CHIC1: variants seen among roughly 807,000 people sequenced by gnomAD.
CHIC1 encodes the protein cysteine-rich hydrophobic domain-containing protein 1.
In CHIC1, 7 loss-of-function variants were observed where a neutral mutation model predicts 18.5. The observed-to-expected ratio is 0.38, with a 90% CI of 0.22 to 0.71. The LOEUF is 0.71. Among genes scored for constraint, CHIC1 ranks in the 30% least tolerant of loss-of-function variants. The pLI is 0.49. For missense variants in CHIC1, 159 were observed against 176.9 expected (o/e 0.90, Z 0.57); for synonymous variants, 77 against 73.5 (o/e 1.05, Z -0.25).
At chrX:73,603,435 G>T (rs1488676461) in intron 3 of CHIC1, among the ~76,000 whole-genome samples, 1 of 108,055 alleles carries the variant, frequency 9.3e-6, no homozygotes, top group East Asian at 2.8e-4. Flanking sequence ...ATACAATCGT[G>T]TCGTCTGCAA....
At chrX:73,584,137 G>A (rs2147551406) in intron 2 of CHIC1, among the ~76,000 whole-genome samples, 1 of 110,932 alleles carries the variant, frequency 9.0e-6, no homozygotes, top group African/African-American at 3.3e-5. Flanking sequence ...GTAAGAAAAA[G>A]GCTTGAAAGT....
chrX:73,601,034 G>C (rs1302628860), intron 3 of CHIC1, among the ~76,000 whole-genome samples: 9 of 107,483 alleles, frequency 8.4e-5, no homozygotes, highest in Non-Finnish European at 1.9e-5. Context: ...TATGCACCCA[G>C]TACAGGAGCA....
intron 3 of CHIC1, among the ~76,000 whole-genome samples, chrX:73,641,186 T>C (rs1015944741): frequency 9.0e-6 from 1 of 111,663 alleles, no homozygotes; most frequent in African/African-American, 3.3e-5. Context: ...TCTGTTTTTA[T>C]TGTGCTGTGG....
intron 3 of CHIC1, among the ~76,000 whole-genome samples, chrX:73,619,444 G>A (rs903872743): frequency 5.4e-5 from 6 of 110,373 alleles, no homozygotes; most frequent in Non-Finnish European, 9.5e-5. Context: ...TTGTTTACTG[G>A]TGTTTTATTG....
At chrX:73,577,034 C>T (rs1489708874) in intron 1 of CHIC1, among the ~76,000 whole-genome samples, 3 of 109,947 alleles carry the variant, frequency 2.7e-5, no homozygotes, top group Non-Finnish European at 5.8e-5. Context: ...AATGAAATCC[C>T]ACATAGTACC....
At chrX:73,597,605 A>G (rs1044941830) in intron 3 of CHIC1, among the ~76,000 whole-genome samples, 21 of 104,612 alleles carry the variant, frequency 2.0e-4, no homozygotes, top group African/African-American at 6.5e-4. Flanking sequence ...ATATATATAT[A>G]CACACACACA....
intron 1 of CHIC1, among the ~76,000 whole-genome samples, chrX:73,565,439 T>C (rs1041153335): frequency 2.7e-5 from 3 of 112,042 alleles, no homozygotes; most frequent in Non-Finnish European, 5.6e-5. Context: ...GCCCTTCTGA[T>C]TGGTATAATG....
chrX:73,591,538 A>G (rs1423125097), intron 3 of CHIC1, among the ~76,000 whole-genome samples: 3 of 111,712 alleles, frequency 2.7e-5, no homozygotes, highest in Non-Finnish European at 5.7e-5. Flanking sequence ...CTCTCTTAAT[A>G]GTATATTTTG....
At position 73,597,975 on chromosome X, in the gene CHIC1, A is replaced by G. The variant is rs186332278; in HGVS notation, c.507+13403A>G. Among the ~76,000 whole-genome samples, 716 of 111,748 alleles carry G rather than the reference A, an allele frequency of 6.4e-3. 8 individuals are homozygous for G. The highest frequency in any genetic ancestry group is 0.022 in the African/African-American group (669 of 30,749). ...TCATTCTTTTTTATGGCTGCATAGT[A>G]TTCCATGGTGTACATGTGCCACATT... On this transcript the variant is annotated intron_variant, in intron 3 of 5. Coordinates refer to ENST00000373502, the MANE Select transcript of CHIC1 (RefSeq NM_001039840.4).
intron 3 of CHIC1, among the ~76,000 whole-genome samples, chrX:73,675,170 G>A (rs189054309): frequency 1.8e-5 from 2 of 111,517 alleles, no homozygotes; most frequent in East Asian, 2.8e-4. Flanking sequence ...CAGTTTTGGA[G>A]TAGGTGTGGT....
At chrX:73,610,553 C>G (rs1603343254) in intron 3 of CHIC1, among the ~76,000 whole-genome samples, 1 of 107,551 alleles carries the variant, frequency 9.3e-6, no homozygotes, top group East Asian at 2.9e-4. Context: ...TATGTTGTGT[C>G]CTTGTCTGGT....
rs756236067 is a variant in CHIC1 at position 73,582,469 on chromosome X, CT to C, written c.352-1938del. Among the ~76,000 whole-genome samples the C allele has an allele frequency of 3.9e-4, 40 of 103,471 alleles. 1 individual carries two copies. Among genetic ancestry groups the C allele is most frequent in the South Asian group, 8.3e-4 (2 of 2,413 alleles). 89.9% of individuals were successfully genotyped at this position (103,471 alleles called of 115,157 possible). A position where few individuals can be genotyped will look rare whatever the true frequency, so the allele number is the denominator to read the frequency against. On this transcript the variant is annotated intron_variant, in intron 2 of 5. Transcript: ENST00000373502. ...TTTTAGAAAGAAGAGCTTGATTTTT[CT>C]TTTTTTTTTGCTGAAGAATTAAAGA...
intron 2 of CHIC1, among the ~76,000 whole-genome samples, chrX:73,580,717 G>T (rs758768056): frequency 9.0e-6 from 1 of 110,560 alleles, no homozygotes; most frequent in East Asian, 2.9e-4. Flanking sequence ...ATTTTAAAAT[G>T]AATAACTGTG....
intron 1 of CHIC1, among the ~76,000 whole-genome samples, chrX:73,570,366 CAATG>C (rs1370913761): frequency 9.1e-6 from 1 of 110,459 alleles, no homozygotes; most frequent in African/African-American, 3.3e-5. Flanking sequence ...GTAGCAGTGA[CAATG>C]AAGGAAGGGA....
chrX:73,623,369 G>A (rs1453206991), intron 3 of CHIC1, among the ~76,000 whole-genome samples: 2 of 110,965 alleles, frequency 1.8e-5, no homozygotes, highest in South Asian at 3.8e-4. Flanking sequence ...CGTTGCTCCT[G>A]TATTGGGTGC....
intron 5 of CHIC1, among the ~76,000 whole-genome samples, chrX:73,680,481 C>T (rs973559402): frequency 5.4e-5 from 6 of 111,202 alleles, no homozygotes; most frequent in African/African-American, 2.0e-4. Context: ...TTTACTCAAT[C>T]CATTTGGGCA....
At chrX:73,680,837 A>T (rs1030674575) in intron 5 of CHIC1, 118 bp from the exon 6 acceptor site, 2 of 364,094 alleles carry the variant, frequency 5.5e-6, no homozygotes, top group African/African-American at 5.4e-5. Flanking sequence ...CACTTACTTT[A>T]TATGGTTCAG....
intron 3 of CHIC1, among the ~76,000 whole-genome samples, chrX:73,646,704 A>T (rs1180182647): frequency 8.9e-6 from 1 of 112,325 alleles, no homozygotes; most frequent in Non-Finnish European, 1.9e-5. Context: ...TTTGTTTATC[A>T]ACTCCAACAG....
chrX:73,680,625 CAA>C (rs1309120006), intron 5 of CHIC1, among the ~76,000 whole-genome samples: 1 of 110,572 alleles, frequency 9.0e-6, no homozygotes, highest in African/African-American at 3.3e-5. Context: ...ACTTTGCTAA[CAA>C]AGAGATAGGG....
Sources: gnomAD v4.1 joint callset for allele counts (sites outside exome capture counted in the v4.1 genomes callset) on GRCh38, gnomAD v4.1.1 for gene constraint, MANE v1.5 for transcripts, NCBI Gene and HGNC (gene_info 2026-07-23, HGNC 2026-07-21) for gene names.